Variants in HACE1 observed in about 807,000 individuals in gnomAD.
The protein encoded by HACE1 is HECT domain and ankyrin repeat containing E3 ubiquitin protein ligase 1, also known as E3 ubiquitin-protein ligase HACE1.
A neutral mutation model predicts 118.4 loss-of-function variants in HACE1; 73 were observed. That is an observed-to-expected ratio of 0.62 (90% CI 0.51 to 0.75). The LOEUF is 0.75. HACE1 is among the 30% of genes least tolerant of loss of function. The pLI is 0.00. For synonymous variants in HACE1, 368 were observed against 374.8 expected (o/e 0.98, Z 0.21); for missense variants, 749 against 1,102.2 (o/e 0.68, Z 4.54).
intron 14 of HACE1, 114 bp from the exon 15 acceptor site, chr6:104,777,431 T>C: frequency 2.7e-6 from 2 of 730,960 alleles, no homozygotes; most frequent in Non-Finnish European, 5.0e-6. Flanking sequence ...GATCTTTATT[T>C]ACAATAAGGA....
intron 6 of HACE1, among the ~76,000 whole-genome samples, chr6:104,831,980 G>GAAGAGAAGAGAAGAGAAGAA (rs71003447): frequency 3.2e-5 from 2 of 62,862 alleles, no homozygotes; most frequent in Non-Finnish European, 6.0e-5. Flanking sequence ...GAAGAGAAGA[G>GAAGAGAAGAGAAGAGAAGAA]AGGAAGGAAG....
At chr6:104,766,337 T>C (rs938122269) in intron 19 of HACE1, among the ~76,000 whole-genome samples, 3 of 152,170 alleles carry the variant, frequency 2.0e-5, no homozygotes, top group Non-Finnish European at 4.4e-5. Flanking sequence ...TGTATGCTTG[T>C]GTTCTGAGTG....
intron 6 of HACE1, among the ~76,000 whole-genome samples, chr6:104,817,679 A>G (rs1171206576): frequency 6.6e-6 from 1 of 152,228 alleles, no homozygotes; most frequent in African/African-American, 2.4e-5. Flanking sequence ...TTATAGGAGC[A>G]TATAGATGAA....
At chr6:104,830,984 T>G (rs1773807252) in intron 6 of HACE1, 1 of 152,090 alleles carries the variant, frequency 6.6e-6, no homozygotes, top group African/African-American at 2.4e-5. Flanking sequence ...CAAAGGGATC[T>G]CTCCACCTAA....
At chr6:104,843,323 T>A in intron 4 of HACE1, 25 bp from the exon 5 acceptor site, 1 of 1,026,102 alleles carries the variant, frequency 9.7e-7, no homozygotes, top group Non-Finnish European at 1.6e-6. Context: ...GAGTCATGGA[T>A]AACTGGTACT....
chr6:104,737,738 G>A (rs1391509642), intron 22 of HACE1, among the ~76,000 whole-genome samples: 6 of 152,334 alleles, frequency 3.9e-5, no homozygotes, highest in Admixed American at 6.5e-5. Context: ...CAAGGCAGCA[G>A]CGAGGCTGGG....
chr6:104,805,166 C>T (rs577733919), intron 7 of HACE1, among the ~76,000 whole-genome samples: 57 of 152,260 alleles, frequency 3.7e-4, no homozygotes, highest in Admixed American at 7.2e-4. Flanking sequence ...TACCATCTCA[C>T]GCCAGTTAGA....
chr6:104,840,812 A>C (rs936671234), intron 5 of HACE1, among the ~76,000 whole-genome samples: 8 of 152,166 alleles, frequency 5.3e-5, no homozygotes, highest in African/African-American at 1.9e-4. Flanking sequence ...AAAAATACAA[A>C]ATTAGCTGGG....
intron 11 of HACE1, chr6:104,786,216 C>T (rs1222862938): frequency 6.6e-6 from 1 of 151,638 alleles, no homozygotes; most frequent in Non-Finnish European, 1.5e-5. Context: ...TGGCACACAC[C>T]TATAATTCCA....
intron 7 of HACE1, among the ~76,000 whole-genome samples, chr6:104,804,473 G>A (rs1268727008): frequency 1.3e-5 from 2 of 152,098 alleles, no homozygotes; most frequent in African/African-American, 2.4e-5. Context: ...TATACTACAA[G>A]GCTACAGTAA....
At position 104,742,469 on chromosome 6, in the gene HACE1, AAAAC is replaced by A. The variant is rs1461802798; in HGVS notation, c.2513+1687_2513+1690del. On this transcript the variant is annotated intron_variant, in intron 22 of 23. Transcript: ENST00000262903. ...TGAACTCAAACAAATTTACAAGAAAAAAACAAACAACCCCATCAAAAAGTGGGCA... is the reference window on the plus strand; with the variant it reads ...TGAACTCAAACAAATTTACAAGAAAAAAACAACCCCATCAAAAAGTGGGCA... 2.9e-4 allele frequency among the ~76,000 whole-genome samples: 44 copies of A among 152,150 alleles called. No individual in the cohort carries two copies. The South Asian group carries it at 7.9e-3, about 27-fold the overall frequency.
chr6:104,843,383 T>C, intron 4 of HACE1, 85 bp from the exon 5 acceptor site: 1 of 763,616 alleles, frequency 1.3e-6, no homozygotes, highest in Non-Finnish European at 2.4e-6. Context: ...TTAGCAACAA[T>C]CAATAACAGC....
At chr6:104,843,502 A>G (rs547699823) in intron 4 of HACE1, among the ~76,000 whole-genome samples, 1 of 152,368 alleles carries the variant, frequency 6.6e-6, no homozygotes, top group East Asian at 1.9e-4. Flanking sequence ...CAAAGATAAC[A>G]GGATAAAACA....
At chr6:104,819,555 G>A (rs575651877) in intron 6 of HACE1, among the ~76,000 whole-genome samples, 1 of 152,046 alleles carries the variant, frequency 6.6e-6, no homozygotes, top group South Asian at 2.1e-4. Flanking sequence ...AATTCATATG[G>A]AACCAAAAAA....
chr6:104,776,715 A>G (rs1167237244), intron 17 of HACE1, 26 bp downstream of exon 17: 2 of 1,366,674 alleles, frequency 1.5e-6, no homozygotes, highest in South Asian at 1.2e-5. Flanking sequence ...AGTTGCAGAA[A>G]AAGTCATCTA....
intron 19 of HACE1, among the ~76,000 whole-genome samples, chr6:104,768,705 C>A (rs1013068018): frequency 6.6e-6 from 1 of 152,010 alleles, no homozygotes. Flanking sequence ...CTCCTAATTA[C>A]TTAAAAAAGT....
intron 19 of HACE1, among the ~76,000 whole-genome samples, chr6:104,767,651 C>T (rs576856974): frequency 6.6e-6 from 1 of 152,196 alleles, no homozygotes; most frequent in African/African-American, 2.4e-5. Flanking sequence ...CAGAATTTGG[C>T]CACTTTCTCC....
chr6:104,746,196 G>A (rs114115380), intron 20 of HACE1, among the ~76,000 whole-genome samples: 2,850 of 152,224 alleles, frequency 0.019, 99 homozygotes, highest in African/African-American at 0.061. Flanking sequence ...TTAATTTCAA[G>A]TAAATATCCA....
In HACE1 at chr6:104,773,145, C is replaced by T. The variant is rs568649568; in HGVS notation, c.1865-1071G>A. 2.0e-5 allele frequency among the ~76,000 whole-genome samples: 3 copies of T among 152,252 alleles called. No homozygotes were observed. The South Asian group carries it at 6.2e-4, about 32-fold the overall frequency. On this transcript the variant is annotated intron_variant, in intron 17 of 23. Transcript: ENST00000262903. ...TTTTCCTATTTTTCTGTGATGGTCA[C>T]TAATTCATATTACAAATTTACTCAT... is the stretch of plus-strand genomic sequence containing the variant.
Sources: gnomAD v4.1 joint callset for allele counts (sites outside exome capture counted in the v4.1 genomes callset) on GRCh38, gnomAD v4.1.1 for gene constraint, MANE v1.5 for transcripts, NCBI Gene and HGNC (gene_info 2026-07-23, HGNC 2026-07-21) for gene names.